Variants in MTERF4 observed in about 807,000 individuals in gnomAD.
MTERF4 encodes mitochondrial transcription termination factor 4.
In MTERF4, 17 loss-of-function variants were observed where a neutral mutation model predicts 22.5. The ratio of observed to expected loss-of-function variants is 0.75; its 90% CI spans 0.52 to 1.13. The LOEUF is 1.13. Among genes scored for constraint, MTERF4 ranks in the 50% most tolerant of loss-of-function variants. The pLI, the probability that MTERF4 is intolerant of heterozygous loss-of-function variation, is 0.00. For synonymous variants in MTERF4, 165 were observed against 175.3 expected, an observed-to-expected ratio of 0.94 and a Z score of 0.47; for missense variants, 420 against 466.8, an observed-to-expected ratio of 0.90 and a Z score of 0.92.
intron 2 of MTERF4, chr2:241,099,070 C>T: frequency 4.5e-6 from 1 of 221,214 alleles, no homozygotes; most frequent in Non-Finnish European, 8.7e-6. Flanking sequence ...TCCTGTCACA[C>T]TATATAAAAT....
the MTERF4 span, chr2:241,049,178 C>A: frequency 6.7e-6 from 10 of 1,485,398 alleles, no homozygotes; most frequent in Non-Finnish European, 8.3e-6. Context: ...GGGGCCCGGA[C>A]AGAAGCCAGG....
At chr2:241,084,446 G>C (rs1192545356), downstream of MTERF4, among the ~76,000 whole-genome samples, 1 of 152,088 alleles carries the variant, frequency 6.6e-6, no homozygotes, top group Non-Finnish European at 1.5e-5. Flanking sequence ...GAGTGACTGT[G>C]CCCGGCCAGC....
chr2:241,044,049 AAAT>A, the MTERF4 span, among the ~76,000 whole-genome samples: 1 of 152,242 alleles, frequency 6.6e-6, no homozygotes, highest in Non-Finnish European at 1.5e-5. Flanking sequence ...AACAAGTGAA[AAAT>A]AATAATAAAG....
downstream of MTERF4, among the ~76,000 whole-genome samples, chr2:241,090,890 AAG>A (rs1323059549): frequency 7.2e-5 from 11 of 152,010 alleles, no homozygotes; most frequent in African/African-American, 1.5e-4. Context: ...AAAAAGAAAA[AAG>A]AATTCTGTAC....
At chr2:241,065,259 T>C in the MTERF4 span, 2 of 1,607,992 alleles carry the variant, frequency 1.2e-6, no homozygotes, top group East Asian at 2.2e-5. Context: ...AGCTAACGGC[T>C]GACCAGTCCC....
chr2:241,088,372 A>C (rs763851930), downstream of MTERF4: 15 of 1,610,264 alleles, frequency 9.3e-6, no homozygotes, highest in Middle Eastern at 1.7e-4. Context: ...CAGGAAACAA[A>C]GTAAGAGTCA....
chr2:241,083,733 T>C (rs538306651), downstream of MTERF4, among the ~76,000 whole-genome samples: 6 of 152,310 alleles, frequency 3.9e-5, no homozygotes, highest in South Asian at 8.3e-4. Context: ...AAGCATTCTA[T>C]CCTTTCACTT....
At chr2:241,082,973 G>A (rs1158544030), downstream of MTERF4, among the ~76,000 whole-genome samples, 3 of 152,176 alleles carry the variant, frequency 2.0e-5, no homozygotes, top group East Asian at 5.8e-4. Context: ...TGTGTGCCGG[G>A]CACTGTTCTA....
At chr2:241,065,223 G>A in the MTERF4 span, 3 of 1,490,676 alleles carry the variant, frequency 2.0e-6, no homozygotes, top group Non-Finnish European at 2.7e-6. Context: ...ACCCGGCTGA[G>A]CCGCCGACGG....
downstream of MTERF4, chr2:241,068,967 G>C (rs780670214): frequency 9.0e-6 from 14 of 1,557,140 alleles, no homozygotes; most frequent in Admixed American, 1.9e-5. This position sits in a 1 kb window ranked among gnomAD's most constrained non-coding sequence, Gnocchi z 5.3. Context: ...AGTGGGCTCA[G>C]GGGAGAGGAG....
intron 1 of MTERF4, among the ~76,000 whole-genome samples, chr2:241,101,426 G>A (rs547292195): frequency 6.6e-6 from 1 of 152,368 alleles, no homozygotes; most frequent in South Asian, 2.1e-4. Context: ...CTCACTTGCC[G>A]CTCACCTCCT....
At chr2:241,063,296 CA>C in the MTERF4 span, 1 of 509,688 alleles carries the variant, frequency 2.0e-6, no homozygotes, top group Non-Finnish European at 3.6e-6. Flanking sequence ...CCAGGGAGGG[CA>C]AGGCCCAGGG....
chr2:241,083,449 TTGGA>T (rs1279253445), downstream of MTERF4, among the ~76,000 whole-genome samples: 1 of 152,090 alleles, frequency 6.6e-6, no homozygotes, highest in Non-Finnish European at 1.5e-5. Context: ...TTACACTACT[TTGGA>T]TGCTCTGTGG....
chr2:241,078,621 T>C (rs1046739276), intron 4 of MTERF4, among the ~76,000 whole-genome samples: 6 of 151,712 alleles, frequency 4.0e-5, no homozygotes, highest in African/African-American at 1.5e-4. Flanking sequence ...CATTAGCGGT[T>C]GCTCAGGACT....
At chr2:241,049,225 C>T in the MTERF4 span, 3 of 940,702 alleles carry the variant, frequency 3.2e-6, no homozygotes, top group Non-Finnish European at 5.0e-6. Flanking sequence ...AGGCCAGAGT[C>T]CCTACTTCCC....
intron 4 of MTERF4, among the ~76,000 whole-genome samples, chr2:241,079,190 A>G (rs2125290665): frequency 6.6e-6 from 1 of 150,840 alleles, no homozygotes; most frequent in African/African-American, 2.4e-5. Context: ...AGGCAGGTGG[A>G]TCACAAGTTC....
At chr2:241,051,400 T>A in the MTERF4 span, 4 of 241,462 alleles carry the variant, frequency 1.7e-5, no homozygotes, top group Non-Finnish European at 3.2e-5. The surrounding 1 kb of genome is among the most constrained non-coding windows in gnomAD (Gnocchi z 4.7). Context: ...TCCTGTCAGA[T>A]GGGGAATGCC....
rs909044715 is a variant in MTERF4, at chr2:241,095,653, A to G, written c.*345T>C. 7.0e-5 allele frequency: 17 copies of G among 244,444 alleles called. No individual in the cohort carries two copies. The highest frequency in any genetic ancestry group is 2.9e-4 in the African/African-American group (13 of 44,354). The allele number at this position is 244,444 out of a possible 1,614,324, so 15.1% of individuals were successfully genotyped here. A position where few individuals can be genotyped will look rare whatever the true frequency, so the allele number is the denominator to read the frequency against. The stretch of plus-strand genomic sequence containing the variant: ...CCGGAAGAATGAACCCCATCTTCCA[A>G]CTGTCACGGAATTATCACCAACATA... On this transcript the variant is annotated 3_prime_UTR_variant, in exon 4 of 4. Transcript: ENST00000391980.
downstream of MTERF4, among the ~76,000 whole-genome samples, chr2:241,090,936 T>C (rs2063929631): frequency 6.6e-6 from 1 of 152,092 alleles, no homozygotes; most frequent in South Asian, 2.1e-4. Context: ...TGTAATCTCA[T>C]GGGACCACTG....
Sources: gnomAD v4.1 joint callset for allele counts (sites outside exome capture counted in the v4.1 genomes callset) on GRCh38, gnomAD v4.1.1 for gene constraint, Gnocchi (gnomAD v3.1) non-coding constraint, MANE v1.5 for transcripts, NCBI Gene and HGNC (gene_info 2026-07-23, HGNC 2026-07-21) for gene names.